PLCG2: variants seen among roughly 807,000 people sequenced by gnomAD.
The protein encoded by PLCG2 is 1-phosphatidylinositol 4,5-bisphosphate phosphodiesterase gamma-2.
PLCG2 carries 69 observed loss-of-function variants against 175.6 expected under a neutral mutation model. The observed-to-expected ratio is 0.39, with a 90% CI of 0.32 to 0.48. The LOEUF (loss-of-function observed/expected upper bound fraction) is 0.48, where lower values mean the gene tolerates loss of function less well. PLCG2 is among the 20% of genes least tolerant of loss of function. The probability of loss-of-function intolerance (pLI) is 0.91; values close to 1 mark genes in which losing one functional copy is unlikely to be tolerated. For missense variants in PLCG2, 1,798 were observed against 1,650.9 expected, an observed-to-expected ratio of 1.09 and a Z score of -1.54; for synonymous variants, 827 against 624.0, an observed-to-expected ratio of 1.33 and a Z score of -4.85.
chr16:81,759,775 C>T (rs1426745847), intron 2 of PLCG2, among the ~76,000 whole-genome samples: 6 of 152,236 alleles, frequency 3.9e-5, no homozygotes, highest in Non-Finnish European at 8.8e-5. Context: ...GCACTGAGCA[C>T]TTGTCCGTAG....
chr16:81,819,562 C>A (rs1267001177), intron 2 of PLCG2, among the ~76,000 whole-genome samples: 1 of 152,280 alleles, frequency 6.6e-6, no homozygotes, highest in Admixed American at 6.5e-5. Context: ...GACTCTATCC[C>A]AGCTCAGTTA....
chr16:81,857,378 G>A (rs1221984935), intron 3 of PLCG2, among the ~76,000 whole-genome samples: 1 of 152,158 alleles, frequency 6.6e-6, no homozygotes, highest in Non-Finnish European at 1.5e-5. Context: ...TAAGATAATG[G>A]ATTCTTGTTT....
chr16:81,878,976 G>A (rs1907949431), intron 7 of PLCG2, among the ~76,000 whole-genome samples: 1 of 152,142 alleles, frequency 6.6e-6, no homozygotes, highest in African/African-American at 2.4e-5. Flanking sequence ...GTCCGGGCAG[G>A]GAGTTGCAAG....
intron 22 of PLCG2, among the ~76,000 whole-genome samples, chr16:81,925,866 A>G (rs1421849764): frequency 6.8e-6 from 1 of 146,606 alleles, no homozygotes; most frequent in Non-Finnish European, 1.5e-5. Context: ...AGCCTGGGGG[A>G]CAGAGTGAGA....
At chr16:81,888,806 G>A (rs2082622439) in intron 9 of PLCG2, among the ~76,000 whole-genome samples, 1 of 152,184 alleles carries the variant, frequency 6.6e-6, no homozygotes, top group South Asian at 2.1e-4. Context: ...CATGACCTAT[G>A]GACCAAATAT....
intron 11 of PLCG2, among the ~76,000 whole-genome samples, chr16:81,891,868 C>T (rs1482573391): frequency 1.3e-5 from 2 of 152,142 alleles, no homozygotes; most frequent in African/African-American, 4.8e-5. Context: ...ACTAAAGTAA[C>T]ATAGTAAACT....
At chr16:81,927,208 G>C in intron 23 of PLCG2, 30 bp downstream of exon 23, 2 of 1,467,160 alleles carry the variant, frequency 1.4e-6, no homozygotes, top group Non-Finnish European at 1.9e-6. Context: ...CCTCTTACAG[G>C]AAGAAGGGAT....
chr16:81,943,457 G>A (rs1404980482), intron 30 of PLCG2, among the ~76,000 whole-genome samples: 2 of 152,114 alleles, frequency 1.3e-5, no homozygotes, highest in Non-Finnish European at 2.9e-5. Context: ...CAGCAAGTGG[G>A]AAGTCCACCC....
intron 30 of PLCG2, among the ~76,000 whole-genome samples, chr16:81,945,940 A>ATGG (rs1351743812): frequency 6.6e-6 from 1 of 152,052 alleles, no homozygotes; most frequent in South Asian, 2.1e-4. Context: ...TTATTTCTAG[A>ATGG]TGGTAGATAT....
At chr16:81,839,108 G>T (rs1450509317) in intron 2 of PLCG2, among the ~76,000 whole-genome samples, 1 of 151,984 alleles carries the variant, frequency 6.6e-6, no homozygotes, top group Non-Finnish European at 1.5e-5. Flanking sequence ...TTATTATTTT[G>T]CAGTTCCTAT....
intron 19 of PLCG2, among the ~76,000 whole-genome samples, chr16:81,916,027 GA>G (rs1909824551): frequency 6.6e-6 from 1 of 152,058 alleles, no homozygotes; most frequent in South Asian, 2.1e-4. Flanking sequence ...TGTATCTATG[GA>G]AAATATATGG....
chr16:81,875,602 C>G (rs1567510708), intron 7 of PLCG2, among the ~76,000 whole-genome samples: 1 of 152,220 alleles, frequency 6.6e-6, no homozygotes, highest in East Asian at 1.9e-4. Context: ...TCCCTTTTCT[C>G]ACACTTTGCA....
intron 2 of PLCG2, among the ~76,000 whole-genome samples, chr16:81,797,345 T>C (rs775672567): frequency 3.7e-4 from 56 of 152,230 alleles, no homozygotes; most frequent in Non-Finnish European, 6.5e-4. Context: ...TGCGGGTTTT[T>C]GTATATCAGG....
chr16:81,752,919 G>A (rs1325501935), intron 1 of PLCG2, among the ~76,000 whole-genome samples: 1 of 152,252 alleles, frequency 6.6e-6, no homozygotes, highest in East Asian at 1.9e-4. Flanking sequence ...CTTTGGGCAG[G>A]CTGCTTTTCT....
Position 81,796,328 on chromosome 16 carries a change from C to T in PLCG2, c.193+10146C>T, listed in dbSNP as rs184927659. Among the ~76,000 whole-genome samples the T allele has an allele frequency of 5.9e-5, 9 of 152,348 alleles. No homozygotes were observed. The East Asian group carries it at 7.7e-4, about 13-fold the overall frequency. ...GTGACAGCTTTGGTTTTGCAACCTC[C>T]CAAGGATGGACCCCTGAGAGAGAGG... On this transcript the variant is annotated intron_variant, in intron 2 of 32. Coordinates refer to ENST00000564138, the MANE Select transcript of PLCG2 (RefSeq NM_002661.5).
chr16:81,909,082 A>T (rs1374336171), intron 17 of PLCG2, among the ~76,000 whole-genome samples: 1 of 152,230 alleles, frequency 6.6e-6, no homozygotes, highest in Non-Finnish European at 1.5e-5. Flanking sequence ...TCCATGTCTC[A>T]GTGCATTAAA....
intron 12 of PLCG2, among the ~76,000 whole-genome samples, chr16:81,894,796 C>T (rs1018173342): frequency 3.3e-5 from 5 of 152,114 alleles, no homozygotes; most frequent in Admixed American, 2.6e-4. Context: ...TCACTTGAGC[C>T]TGGGAGGCAG....
chr16:81,787,624 G>C (rs1262157913), intron 2 of PLCG2, among the ~76,000 whole-genome samples: 4 of 151,078 alleles, frequency 2.6e-5, no homozygotes, highest in Admixed American at 1.3e-4. Flanking sequence ...TGTATAGTGT[G>C]GTGGTTTTAG....
chr16:81,898,128 A>G (rs749648587), intron 13 of PLCG2: 7 of 248,660 alleles, frequency 2.8e-5, no homozygotes, highest in Non-Finnish European at 5.6e-5. Context: ...ATAGGTGCTT[A>G]TGGTTGTGAG....
Sources: allele counts gnomAD v4.1 joint callset (sites outside exome capture counted in the v4.1 genomes callset), GRCh38; gene constraint gnomAD v4.1.1; transcripts MANE v1.5; gene names NCBI Gene and HGNC (gene_info 2026-07-23, HGNC 2026-07-21).